Variants in IL16 observed in about 807,000 individuals in gnomAD.
IL16 encodes the protein interleukin 16.
A neutral mutation model predicts 110.1 loss-of-function variants in IL16; 67 were observed. That is an observed-to-expected ratio of 0.61 (90% confidence interval 0.50 to 0.75). The LOEUF (loss-of-function observed/expected upper bound fraction) is 0.75. IL16 is among the 30% of genes least tolerant of loss of function. The pLI is 0.00. For synonymous variants in IL16, 689 were observed against 662.9 expected, an observed-to-expected ratio of 1.04 and a Z score of -0.61; for missense variants, 1,545 against 1,655.0, an observed-to-expected ratio of 0.93 and a Z score of 1.15.
chr15:81,227,038 C>T (rs1262741143), intron 2 of IL16, among the ~76,000 whole-genome samples: 1 of 152,040 alleles, frequency 6.6e-6, no homozygotes, highest in Non-Finnish European at 1.5e-5. Context: ...CCAGTCTTTG[C>T]CCCGAAATAA....
intron 12 of IL16, among the ~76,000 whole-genome samples, chr15:81,294,546 A>G (rs534022380): frequency 2.4e-4 from 36 of 152,196 alleles, no homozygotes; most frequent in African/African-American, 7.9e-4. Flanking sequence ...CAGGCAAGGA[A>G]CTTCCCACAG....
At chr15:81,287,108 G>C (rs1899486781) in intron 10 of IL16, among the ~76,000 whole-genome samples, 1 of 152,218 alleles carries the variant, frequency 6.6e-6, no homozygotes, top group Admixed American at 6.5e-5. Flanking sequence ...TAGGGACACA[G>C]ACAAACCATA....
chr15:81,299,225 A>T, intron 13 of IL16, 155 bp from the exon 14 acceptor site: 1 of 1,193,726 alleles, frequency 8.4e-7, no homozygotes, highest in Non-Finnish European at 1.2e-6. Flanking sequence ...TCAGTCAGGT[A>T]ATAGCACCTG....
chr15:81,199,470 A>T (rs1280181412), intron 1 of IL16, among the ~76,000 whole-genome samples: 2 of 152,112 alleles, frequency 1.3e-5, no homozygotes, highest in Non-Finnish European at 2.9e-5. Context: ...GCTGGAGGAG[A>T]GGTTTGCTTT....
chr15:81,202,475 C>T (rs181786883), intron 1 of IL16, among the ~76,000 whole-genome samples: 1 of 137,058 alleles, frequency 7.3e-6, no homozygotes, highest in Admixed American at 7.4e-5. Context: ...ATCCCTCCCC[C>T]CTCCCTACAC....
chr15:81,265,745 T>C lies in IL16; in HGVS notation c.508T>C (p.Cys170Arg), dbSNP rs1898350138. The C allele has an allele frequency of 6.2e-7, 1 of 1,613,902 alleles. No individual in the cohort carries two copies. Among genetic ancestry groups the C allele is most frequent in the Middle Eastern group, 1.6e-4 (1 of 6,062 alleles). Residue 170 changes from cysteine to arginine, a missense_variant, in exon 4 of 19, where the codon TGC becomes CGC. Physicochemically the swap from Cys to Arg is radical, Grantham distance 180 (BLOSUM62 -3). Around this residue, in one of 3 missense-constraint regions of IL16, gnomAD observed 1,185 missense variants for 1,238.8 expected, o/e 0.96. Coordinates refer to ENST00000683961, the MANE Select transcript of IL16 (RefSeq NM_172217.5). ...CACGGACAGGCAGCCTTACTCTCTC[T>C]GCAGTAACAGGAAGTCCCTCTCTCA... ...APTDRQPYSL[C>R]SNRKSLSQQL...
At chr15:81,189,065 C>T (rs1195667912) in intron 1 of IL16, among the ~76,000 whole-genome samples, 2 of 151,980 alleles carry the variant, frequency 1.3e-5, no homozygotes, top group African/African-American at 2.4e-5. Context: ...GCAATCCTCC[C>T]GCCTCAGCCT....
In IL16 at chr15:81,310,537, T is replaced by C. The variant is rs1027805431; in HGVS notation, c.*1739T>C. ...ACCATTTGTATCCACTTTTTAGACTTAATAGAAACATTGAAGATGAACATA... is the reference window on the plus strand; with the variant it reads ...ACCATTTGTATCCACTTTTTAGACTCAATAGAAACATTGAAGATGAACATA... On this transcript the variant is annotated 3_prime_UTR_variant, in exon 19 of 19. Coordinates refer to ENST00000683961, the MANE Select transcript of IL16 (RefSeq NM_172217.5). 8 of 152,164 alleles carry C rather than the reference T, an allele frequency of 5.3e-5. No homozygotes were observed. The highest frequency in any genetic ancestry group is 1.9e-4 in the African/African-American group (8 of 41,426). 9.4% of individuals were successfully genotyped at this position (152,164 alleles called of 1,614,324 possible). A position where few individuals can be genotyped will look rare whatever the true frequency, so the allele number is the denominator to read the frequency against.
At chr15:81,231,583 G>A (rs1896991232) in intron 2 of IL16, among the ~76,000 whole-genome samples, 1 of 152,084 alleles carries the variant, frequency 6.6e-6, no homozygotes, top group East Asian at 1.9e-4. Context: ...ATGTTGCCCA[G>A]GCTGTTCTCA....
At position 81,311,554 on chromosome 15, in the gene IL16, G is replaced by C. The variant is rs1900854712; in HGVS notation, c.*2756G>C. On this transcript the variant is annotated 3_prime_UTR_variant, in exon 19 of 19. Transcript: ENST00000683961. ...ACAGTATGTCCCATAGGCCCAGTGA[G>C]ATGCATTCTTGGTTGGCTGGCCTTC... is the stretch of plus-strand genomic sequence containing the variant. 1 of 152,292 alleles carries C rather than the reference G, an allele frequency of 6.6e-6. No homozygotes were observed. Among genetic ancestry groups the C allele is most frequent in the Non-Finnish European group, 1.5e-5 (1 of 68,118 alleles). 9.4% of individuals were successfully genotyped at this position (152,292 alleles called of 1,614,324 possible).
At chr15:81,268,053 AAGG>A (rs1898470285) in intron 4 of IL16, among the ~76,000 whole-genome samples, 1 of 152,216 alleles carries the variant, frequency 6.6e-6, no homozygotes, top group Non-Finnish European at 1.5e-5. Flanking sequence ...CAGCCCTCCA[AAGG>A]AGGAGGAGAG....
Position 81,259,769 on chromosome 15 carries a change from C to A in IL16, c.313-3C>A. On this transcript the variant is annotated splice_polypyrimidine_tract_variant and splice_region_variant and intron_variant, in intron 2 of 18. Coordinates refer to ENST00000683961, the MANE Select transcript of IL16 (RefSeq NM_172217.5). ...GAATAAAAAGACGGCAATTGTTTTG[C>A]AGGAATCTTCCACAGCTTCCTCTCG... The A allele has an allele frequency of 1.2e-6, 2 of 1,602,442 alleles. No individual in the cohort carries two copies. Among genetic ancestry groups the A allele is most frequent in the Non-Finnish European group, 1.7e-6 (2 of 1,169,676 alleles).
At chr15:81,184,363 G>C (rs1182988826) in intron 1 of IL16, among the ~76,000 whole-genome samples, 2 of 152,212 alleles carry the variant, frequency 1.3e-5, no homozygotes, top group Non-Finnish European at 2.9e-5. Flanking sequence ...ACACCAGCGT[G>C]GGGTGAGGGA....
At position 81,313,186 on chromosome 15, in the gene IL16, C is replaced by T; in HGVS notation, c.*4388C>T. The T allele has an allele frequency of 6.9e-7, 1 of 1,454,566 alleles. No individual in the cohort carries two copies. Among genetic ancestry groups the T allele is most frequent in the Non-Finnish European group, 9.1e-7 (1 of 1,096,570 alleles). 90.1% of individuals were successfully genotyped at this position (1,454,566 alleles called of 1,614,324 possible). On this transcript the variant is annotated 3_prime_UTR_variant, in exon 19 of 19. Transcript: ENST00000683961. ...ACAGGCCTCTGCGTGCTCCCAGGCT[C>T]CTTGGTGTCCCAACAGCTGGAGCTC...
intron 3 of IL16, among the ~76,000 whole-genome samples, chr15:81,265,428 A>C (rs1898331799): frequency 6.6e-6 from 1 of 152,182 alleles, no homozygotes; most frequent in Admixed American, 6.5e-5. Flanking sequence ...GGTAAAATGG[A>C]AGTGAGAGTC....
At chr15:81,207,223 G>A (rs551978003) in intron 1 of IL16, among the ~76,000 whole-genome samples, 28 of 135,162 alleles carry the variant, frequency 2.1e-4, no homozygotes, top group Non-Finnish European at 3.2e-4. Context: ...GGGCGACAGA[G>A]TCAGACTCTG....
rs1900859658 is a variant in IL16 at position 81,311,633 on chromosome 15, C to T, written c.*2835C>T. The T allele has an allele frequency of 6.6e-6, 1 of 152,202 alleles. No homozygotes were observed. The highest frequency in any genetic ancestry group is 6.5e-5 in the Admixed American group (1 of 15,276). The allele number at this position is 152,202 out of a possible 1,614,324, so 9.4% of individuals were successfully genotyped here. The stretch of plus-strand genomic sequence containing the variant: ...GATCCCATCTTGATAAGACCACCAC[C>T]TCAGAGTATGGAGCTCAGAGAGGGC... On this transcript the variant is annotated 3_prime_UTR_variant, in exon 19 of 19. Transcript: ENST00000683961.
At chr15:81,264,857 A>G (rs1419009598) in intron 3 of IL16, among the ~76,000 whole-genome samples, 1 of 152,262 alleles carries the variant, frequency 6.6e-6, no homozygotes, top group East Asian at 1.9e-4. Flanking sequence ...AACAATAGAT[A>G]TAACAGACCA....
intron 2 of IL16, among the ~76,000 whole-genome samples, chr15:81,232,741 A>T (rs1471210402): frequency 6.6e-6 from 1 of 152,160 alleles, no homozygotes; most frequent in Non-Finnish European, 1.5e-5. Flanking sequence ...TCCTTTTAAT[A>T]TAACTCTGGA....
Sources: gnomAD v4.1 joint callset for allele counts (sites outside exome capture counted in the v4.1 genomes callset) on GRCh38, gnomAD v4.1.1 for gene constraint, gnomAD v4.1.1 regional missense constraint, MANE v1.5 for transcripts, NCBI Gene and HGNC (gene_info 2026-07-23, HGNC 2026-07-21) for gene names.